AKAP6: variants seen among roughly 807,000 people sequenced by gnomAD.
AKAP6 encodes A-kinase anchoring protein 6.
Under a neutral mutation model 188.5 loss-of-function variants are expected in AKAP6, and 58 were observed. The ratio of observed to expected loss-of-function variants is 0.31; its 90% CI spans 0.25 to 0.38. AKAP6 has a LOEUF of 0.38. Ranked by LOEUF, AKAP6 falls within the 10% of genes least tolerant of loss-of-function variation. AKAP6 has a pLI of 1.00. For synonymous variants in AKAP6, 989 were observed against 998.6 expected (o/e 0.99, Z 0.18); for missense variants, 2,710 against 2,740.0 (o/e 0.99, Z 0.24).
chr14:32,481,943 C>T (rs536951382), intron 2 of AKAP6, among the ~76,000 whole-genome samples: 77 of 152,208 alleles, frequency 5.1e-4, no homozygotes, highest in African/African-American at 1.8e-3. Flanking sequence ...CTTAAGGACT[C>T]ATTGTTATGG....
intron 2 of AKAP6, among the ~76,000 whole-genome samples, chr14:32,480,270 C>T (rs1371851445): frequency 3.9e-5 from 6 of 151,994 alleles, no homozygotes; most frequent in Non-Finnish European, 5.9e-5. Context: ...ATCATAGCCC[C>T]AACTAAAAAT....
intron 4 of AKAP6, among the ~76,000 whole-genome samples, chr14:32,571,118 T>G (rs1436676156): frequency 3.3e-5 from 5 of 152,214 alleles, no homozygotes; most frequent in Admixed American, 3.3e-4. Flanking sequence ...AAACAGGTTC[T>G]GGCACATAGT....
intron 13 of AKAP6, among the ~76,000 whole-genome samples, chr14:32,828,007 G>A (rs1349494922): frequency 6.6e-6 from 1 of 152,134 alleles, no homozygotes; most frequent in Non-Finnish European, 1.5e-5. Flanking sequence ...GGGTTGAGGA[G>A]CTGTATTTAC....
chr14:32,394,744 A>G (rs898272558), intron 1 of AKAP6, among the ~76,000 whole-genome samples: 2 of 152,076 alleles, frequency 1.3e-5, no homozygotes, highest in Non-Finnish European at 2.9e-5. Flanking sequence ...GTCAGCAAAA[A>G]CATGTAGTTT....
intron 1 of AKAP6, among the ~76,000 whole-genome samples, chr14:32,330,532 C>T (rs749218015): frequency 1.3e-5 from 2 of 151,862 alleles, no homozygotes; most frequent in Non-Finnish European, 2.9e-5. Flanking sequence ...ATCAATATGT[C>T]CACTTAGAAT....
intron 7 of AKAP6, among the ~76,000 whole-genome samples, chr14:32,608,636 G>A (rs1439105479): frequency 6.6e-6 from 1 of 152,112 alleles, no homozygotes; most frequent in Non-Finnish European, 1.5e-5. Context: ...TCAACACAGG[G>A]AAAAGTCATT....
chr14:32,754,218 C>A (rs1004693498), intron 11 of AKAP6, among the ~76,000 whole-genome samples: 1 of 151,958 alleles, frequency 6.6e-6, no homozygotes, highest in Non-Finnish European at 1.5e-5. Context: ...ATTGTTATAT[C>A]CTTTAGATGA....
intron 11 of AKAP6, among the ~76,000 whole-genome samples, chr14:32,737,972 G>A (rs960656244): frequency 2.0e-5 from 3 of 152,126 alleles, no homozygotes; most frequent in Non-Finnish European, 4.4e-5. Context: ...CAATACGTAT[G>A]AGAAATATGG....
chr14:32,724,317 A>C (rs1241082551), intron 9 of AKAP6, among the ~76,000 whole-genome samples: 3 of 152,200 alleles, frequency 2.0e-5, no homozygotes, highest in African/African-American at 7.2e-5. Flanking sequence ...AATGATCTTT[A>C]CATATGGTTG....
intron 1 of AKAP6, among the ~76,000 whole-genome samples, chr14:32,357,154 CA>C (rs535314642): frequency 3.9e-4 from 59 of 152,088 alleles, no homozygotes; most frequent in Non-Finnish European, 7.9e-4. Context: ...TTTAGTGTTA[CA>C]AAAAAATCAC....
At chr14:32,695,487 T>C (rs1008947273) in intron 8 of AKAP6, among the ~76,000 whole-genome samples, 9 of 152,232 alleles carry the variant, frequency 5.9e-5, no homozygotes, top group Non-Finnish European at 1.3e-4. Context: ...GTGATCCTTA[T>C]ACAGAAATTA....
chr14:32,473,260 G>T, intron 2 of AKAP6, among the ~76,000 whole-genome samples: 1 of 152,218 alleles, frequency 6.6e-6, no homozygotes, highest in East Asian at 1.9e-4. Flanking sequence ...GAGAGAATGA[G>T]GTGTGGCCCT....
intron 11 of AKAP6, among the ~76,000 whole-genome samples, chr14:32,754,277 GT>G (rs1401351102): frequency 6.6e-6 from 1 of 151,972 alleles, no homozygotes; most frequent in Non-Finnish European, 1.5e-5. Context: ...TCTTGTGAAA[GT>G]TTTTGTCTGA....
intron 1 of AKAP6, among the ~76,000 whole-genome samples, chr14:32,363,039 C>T (rs1003689709): frequency 6.6e-6 from 1 of 152,192 alleles, no homozygotes; most frequent in Non-Finnish European, 1.5e-5. Flanking sequence ...AGCTTTTGCT[C>T]TTCTGGGCAC....
chr14:32,467,869 A>G (rs190956765), intron 2 of AKAP6, among the ~76,000 whole-genome samples: 1 of 151,656 alleles, frequency 6.6e-6, no homozygotes, highest in East Asian at 1.9e-4. Context: ...TACATGTTAA[A>G]TTTTCTTGGT....
chr14:32,503,788 A>G lies in AKAP6; in HGVS notation c.325-31766A>G, dbSNP rs544098552. ...GTTTTAATTACTGAGACTTTACAAT[A>G]TATTTTAATATTTGCTAGACTAGGT... On this transcript the variant is annotated intron_variant, in intron 2 of 13. Coordinates refer to ENST00000280979, the MANE Select transcript of AKAP6 (RefSeq NM_004274.5). Among the ~76,000 whole-genome samples the G allele has an allele frequency of 3.9e-5, 6 of 152,092 alleles. No individual in the cohort carries two copies. The South Asian group carries it at 1.2e-3, about 32-fold the overall frequency.
Position 32,773,846 on chromosome 14 carries a change from G to A in AKAP6, c.3541G>A (p.Ala1181Thr). ...AAGGTGGGAAGCCATTGTCATGCAAGCCGTCCAGTGGCAAACACGTCTACA... is the reference window on the plus strand; with the variant it reads ...AAGGTGGGAAGCCATTGTCATGCAAACCGTCCAGTGGCAAACACGTCTACA... Reference protein sequence around the residue: ...ERRWEAIVMQAVQWQTRLQKK... With the variant: ...ERRWEAIVMQTVQWQTRLQKK... Residue 1181 changes from alanine (A) to threonine (T), a missense_variant, in exon 12 of 14, where the codon GCC becomes ACC. Ala to Thr is a moderately conservative substitution (Grantham distance 58, BLOSUM62 0). This residue lies in a region of AKAP6 where 2,473 missense variants were observed against 2,426.1 expected (regional missense o/e 1.02). Transcript: ENST00000280979. 1.2e-6 allele frequency: 2 copies of A among 1,614,090 alleles called. No homozygotes were observed. Among genetic ancestry groups the A allele is most frequent in the Non-Finnish European group, 1.7e-6 (2 of 1,179,992 alleles).
chr14:32,517,166 GA>G (rs1881567756), intron 2 of AKAP6, among the ~76,000 whole-genome samples: 1 of 152,152 alleles, frequency 6.6e-6, no homozygotes, highest in South Asian at 2.1e-4. Flanking sequence ...ACTAGCTAAA[GA>G]AAATTAAAGA....
intron 7 of AKAP6, among the ~76,000 whole-genome samples, chr14:32,642,624 T>C (rs1189593659): frequency 6.6e-6 from 1 of 152,148 alleles, no homozygotes; most frequent in African/African-American, 2.4e-5. Flanking sequence ...TTTCGTTCAT[T>C]CACCGCAGAA....
Sources: allele counts gnomAD v4.1 joint callset (sites outside exome capture counted in the v4.1 genomes callset), GRCh38; gene constraint gnomAD v4.1.1; regional missense constraint gnomAD v4.1.1; transcripts MANE v1.5; gene names NCBI Gene and HGNC (gene_info 2026-07-23, HGNC 2026-07-21).